Variants in SEMA6D observed in about 807,000 individuals in gnomAD.
The protein encoded by SEMA6D is semaphorin-6D.
A neutral mutation model predicts 106.6 loss-of-function variants in SEMA6D; 35 were observed. The observed-to-expected ratio is 0.33, with a 90% CI of 0.25 to 0.44. The LOEUF is 0.44. Among genes scored for constraint, SEMA6D ranks in the 20% least tolerant of loss-of-function variants. The pLI, the probability that SEMA6D is intolerant of heterozygous loss-of-function variation, is 1.00. For synonymous variants in SEMA6D, 499 were observed against 487.7 expected (o/e 1.02, Z -0.31); for missense variants, 1,185 against 1,345.9 (o/e 0.88, Z 1.87).
At chr15:47,721,517 G>T (rs754095252) in intron 1 of SEMA6D, among the ~76,000 whole-genome samples, 1 of 152,136 alleles carries the variant, frequency 6.6e-6, no homozygotes, top group South Asian at 2.1e-4. Flanking sequence ...CATGACACAC[G>T]GAGAGAATAA....
intron 3 of SEMA6D, among the ~76,000 whole-genome samples, chr15:47,589,613 C>T (rs895503743): frequency 1.4e-4 from 21 of 152,222 alleles, no homozygotes; most frequent in African/African-American, 5.1e-4. Context: ...ACCTTCTTTG[C>T]TTTATAGGGA....
chr15:47,365,361 C>T (rs572207311), intron 1 of SEMA6D, among the ~76,000 whole-genome samples: 14 of 152,296 alleles, frequency 9.2e-5, no homozygotes, highest in Non-Finnish European at 1.6e-4. Flanking sequence ...TGCCCTACAA[C>T]AGTGCCCAGG....
At chr15:47,486,423 T>G (rs564484082) in intron 3 of SEMA6D, among the ~76,000 whole-genome samples, 1 of 152,220 alleles carries the variant, frequency 6.6e-6, no homozygotes, top group African/African-American at 2.4e-5. Flanking sequence ...TTATCTCCTA[T>G]TGAGGAAGAT....
intron 2 of SEMA6D, among the ~76,000 whole-genome samples, chr15:47,461,649 C>T (rs1013064051): frequency 1.3e-5 from 2 of 151,978 alleles, no homozygotes; most frequent in Non-Finnish European, 2.9e-5. Flanking sequence ...TCGGGAAAAG[C>T]TTCATCTTGG....
intron 4 of SEMA6D, among the ~76,000 whole-genome samples, chr15:47,610,237 C>T (rs1329702575): frequency 6.6e-6 from 1 of 152,174 alleles, no homozygotes; most frequent in African/African-American, 2.4e-5. Flanking sequence ...TCACCAATGC[C>T]TAGGAAACGT....
intron 1 of SEMA6D, among the ~76,000 whole-genome samples, chr15:47,273,536 G>C (rs569919074): frequency 1.3e-5 from 2 of 152,232 alleles, no homozygotes; most frequent in South Asian, 4.2e-4. Context: ...ATCAACATAG[G>C]TAATTTCTAT....
chr15:47,626,354 G>A (rs769042669), intron 4 of SEMA6D, among the ~76,000 whole-genome samples: 3 of 152,202 alleles, frequency 2.0e-5, no homozygotes, highest in Non-Finnish European at 4.4e-5. Flanking sequence ...AGTTCCCTGA[G>A]TGTGTGGCTG....
intron 1 of SEMA6D, among the ~76,000 whole-genome samples, chr15:47,243,554 T>C (rs1018959990): frequency 3.9e-5 from 6 of 152,140 alleles, no homozygotes; most frequent in African/African-American, 1.4e-4. Context: ...GTCAGTATTG[T>C]TTTGTTCAAT....
At chr15:47,344,785 G>A (rs2037976851) in intron 1 of SEMA6D, among the ~76,000 whole-genome samples, 1 of 152,138 alleles carries the variant, frequency 6.6e-6, no homozygotes. Flanking sequence ...TTTGTTTGCA[G>A]ACAACATAAA....
chr15:47,316,639 G>A (rs548763920), intron 1 of SEMA6D, among the ~76,000 whole-genome samples: 76 of 144,334 alleles, frequency 5.3e-4, no homozygotes, highest in Middle Eastern at 7.0e-3. Context: ...ATGGTTATTG[G>A]ATGTTGCCAA....
intron 3 of SEMA6D, among the ~76,000 whole-genome samples, chr15:47,534,847 A>G (rs770398833): frequency 6.6e-6 from 1 of 152,098 alleles, no homozygotes; most frequent in South Asian, 2.1e-4. Flanking sequence ...TGCTACACTG[A>G]TGAAAAACCC....
At chr15:47,418,520 C>A (rs2041051501) in intron 2 of SEMA6D, among the ~76,000 whole-genome samples, 1 of 152,010 alleles carries the variant, frequency 6.6e-6, no homozygotes, top group Admixed American at 6.6e-5. Context: ...GGCGGTAAAG[C>A]TCTCTGGGAT....
chr15:47,762,202 G>A lies in SEMA6D; in HGVS notation c.541G>A (p.Gly181Arg). 1 of 1,613,596 alleles carries A rather than the reference G, an allele frequency of 6.2e-7. No individual in the cohort carries two copies. Among genetic ancestry groups the A allele is most frequent in the Non-Finnish European group, 8.5e-7 (1 of 1,179,630 alleles). Residue 181 changes from glycine (G) to arginine (R), a missense_variant and splice_region_variant, in exon 8 of 19, where the codon GGG becomes AGG. Transcript: ENST00000536845. Reference sequence around the variant, plus strand: ...CAAAATTATACCTTTGGTTTCAGATGGGAAGCTGTATTCTGCCACAGTGGC... The same window carrying A: ...CAAAATTATACCTTTGGTTTCAGATAGGAAGCTGTATTCTGCCACAGTGGC... ...RQTNVALFADGKLYSATVADF... is the reference protein window; with the variant it reads ...RQTNVALFADRKLYSATVADF...
intron 1 of SEMA6D, among the ~76,000 whole-genome samples, chr15:47,384,322 A>T (rs419055): frequency 0.47 from 71,796 of 152,114 alleles, 20,717 homozygotes; most frequent in African/African-American, 0.82. Flanking sequence ...AGGCAGTCTC[A>T]TGTTGTTTTG....
Position 47,544,994 on chromosome 15 carries a change from A to T in SEMA6D, c.-86-55871A>T, listed in dbSNP as rs530244659. On this transcript the variant is annotated intron_variant, in intron 3 of 19. Transcript: ENST00000558014. ...AGAAGGGCAAGTTGTCATTAAAATT[A>T]CAGACTTATCTAAAACTACTATAAT... Among the ~76,000 whole-genome samples the T allele has an allele frequency of 1.2e-4, 19 of 152,264 alleles. No individual in the cohort carries two copies. In the South Asian group the frequency reaches 3.7e-3, roughly 30 times the overall value.
In SEMA6D at chr15:47,771,880, A is replaced by G. The variant is rs960179217; in HGVS notation, c.*95A>G. ...ACCTTAAAACAAGAGACTCGCTTGT[A>G]TTTTAAGAGAACCAAGTGGCCAAAG... On this transcript the variant is annotated 3_prime_UTR_variant, in exon 19 of 19. Coordinates refer to ENST00000536845, the MANE Select transcript of SEMA6D (RefSeq NM_001358351.3). 9.3e-6 allele frequency: 12 copies of G among 1,294,496 alleles called. No homozygotes were observed. The highest frequency in any genetic ancestry group is 1.5e-5 in the African/African-American group (1 of 67,436). 80.2% of individuals were successfully genotyped at this position (1,294,496 alleles called of 1,614,324 possible). A position where few individuals can be genotyped will look rare whatever the true frequency, so the allele number is the denominator to read the frequency against.
At chr15:47,663,138 A>G (rs547305824) in intron 4 of SEMA6D, among the ~76,000 whole-genome samples, 1 of 152,302 alleles carries the variant, frequency 6.6e-6, no homozygotes, top group South Asian at 2.1e-4. Context: ...AAGGCATCTA[A>G]CAGTGTATGT....
chr15:47,357,796 C>A (rs889658768), intron 1 of SEMA6D, among the ~76,000 whole-genome samples: 2 of 152,118 alleles, frequency 1.3e-5, no homozygotes, highest in Admixed American at 1.3e-4. Flanking sequence ...TCAATCCAAC[C>A]AAGTTGACAC....
intron 4 of SEMA6D, among the ~76,000 whole-genome samples, chr15:47,641,461 A>G (rs73392818): frequency 0.034 from 5,233 of 151,998 alleles, 296 homozygotes; most frequent in African/African-American, 0.12. Context: ...TAAAATCCCT[A>G]ATTTCTAATT....
Sources: gnomAD v4.1 joint callset for allele counts (sites outside exome capture counted in the v4.1 genomes callset) on GRCh38, gnomAD v4.1.1 for gene constraint, MANE v1.5 for transcripts, NCBI Gene and HGNC (gene_info 2026-07-23, HGNC 2026-07-21) for gene names.